UNC13C: variants seen among roughly 807,000 people sequenced by gnomAD.
UNC13C encodes protein unc-13 homolog C.
In UNC13C, 174 loss-of-function variants were observed where a neutral mutation model predicts 245.4. The observed-to-expected ratio is 0.71, with a 90% CI of 0.63 to 0.80. The LOEUF (loss-of-function observed/expected upper bound fraction) is 0.80. Ranked by LOEUF, UNC13C falls within the 30% of genes least tolerant of loss-of-function variation. UNC13C has a pLI of 0.00. For missense variants in UNC13C, 2,829 were observed against 2,602.9 expected, an observed-to-expected ratio of 1.09 and a Z score of -1.89; for synonymous variants, 992 against 895.1, an observed-to-expected ratio of 1.11 and a Z score of -1.93.
At chr15:53,908,616 A>T in the UNC13C span, among the ~76,000 whole-genome samples, 1 of 144,700 alleles carries the variant, frequency 6.9e-6, no homozygotes, top group East Asian at 2.0e-4. Flanking sequence ...AAACCCAGGC[A>T]TGGTGATGTG....
At chr15:53,891,255 C>T in the UNC13C span, among the ~76,000 whole-genome samples, 2 of 152,132 alleles carry the variant, frequency 1.3e-5, no homozygotes, top group East Asian at 3.9e-4. Context: ...CATTGTTTTG[C>T]ATTTGCTGAG....
At chr15:54,598,630 G>T (rs1899230006) in intron 30 of UNC13C, among the ~76,000 whole-genome samples, 1 of 150,618 alleles carries the variant, frequency 6.6e-6, no homozygotes, top group African/African-American at 2.4e-5. Flanking sequence ...TTCAAGCACT[G>T]TAAAGTTTAA....
rs150194555 is a variant in UNC13C at position 54,262,472 on chromosome 15, T to C, written c.3449-1696T>C. On this transcript the variant is annotated intron_variant, in intron 8 of 32. Transcript: ENST00000260323. ...ATTAACTACTTGAATAAAATATGCC[T>C]ATCAGATAGTTTCAACTATTTACTC... Among the ~76,000 whole-genome samples, 472 of 152,328 alleles carry C rather than the reference T, an allele frequency of 3.1e-3. 3 individuals carry two copies. Among genetic ancestry groups the C allele is most frequent in the South Asian group, 4.6e-3 (22 of 4,824 alleles).
chr15:53,936,692 T>G, the UNC13C span, among the ~76,000 whole-genome samples: 303 of 152,298 alleles, frequency 2.0e-3, 1 homozygote, highest in African/African-American at 6.9e-3. Context: ...CTTTGCTGTT[T>G]CACAGTCTTC....
intron 30 of UNC13C, among the ~76,000 whole-genome samples, chr15:54,599,354 C>G (rs1223965814): frequency 2.0e-5 from 3 of 152,070 alleles, no homozygotes; most frequent in African/African-American, 2.4e-5. Flanking sequence ...AAAGCCTGAA[C>G]AATTTCTTCT....
At chr15:54,376,666 G>A (rs1046099410) in intron 17 of UNC13C, among the ~76,000 whole-genome samples, 9 of 152,206 alleles carry the variant, frequency 5.9e-5, no homozygotes, top group Non-Finnish European at 4.4e-5. Context: ...AGCTGAATAT[G>A]TAGAGAAAAT....
At chr15:54,317,642 ATG>A (rs2038042472) in intron 13 of UNC13C, among the ~76,000 whole-genome samples, 1 of 151,972 alleles carries the variant, frequency 6.6e-6, no homozygotes, top group South Asian at 2.1e-4. Flanking sequence ...CATATTTATC[ATG>A]TACAATATGA....
rs1262700482 is a variant in UNC13C at position 54,540,397 on chromosome 15, G to A, written c.5697-6325G>A. The stretch of plus-strand genomic sequence containing the variant: ...TTGCCAACCAATACACATGGCATTT[G>A]AAAATTGTCTGATTAATTAGTTTTG... On this transcript the variant is annotated intron_variant, in intron 26 of 32. Transcript: ENST00000260323. 2.6e-5 allele frequency among the ~76,000 whole-genome samples: 4 copies of A among 152,094 alleles called. No homozygotes were observed. The South Asian group carries it at 8.3e-4, about 32-fold the overall frequency.
intron 30 of UNC13C, among the ~76,000 whole-genome samples, chr15:54,588,843 T>A (rs1898621846): frequency 6.6e-6 from 1 of 152,214 alleles, no homozygotes; most frequent in Admixed American, 6.5e-5. Flanking sequence ...TCAGTAGTAT[T>A]CCATTGTATA....
intron 4 of UNC13C, among the ~76,000 whole-genome samples, chr15:54,190,434 G>C (rs537639793): frequency 6.6e-6 from 1 of 152,008 alleles, no homozygotes; most frequent in African/African-American, 2.4e-5. Flanking sequence ...ATTTAATTTT[G>C]TATCTTTTTA....
the UNC13C span, among the ~76,000 whole-genome samples, chr15:53,954,849 G>T: frequency 6.6e-6 from 1 of 152,192 alleles, no homozygotes; most frequent in Admixed American, 6.6e-5. Flanking sequence ...AAAAAATACA[G>T]TAAATAGACT....
At chr15:54,318,697 C>T (rs1309873224) in intron 13 of UNC13C, among the ~76,000 whole-genome samples, 9 of 151,836 alleles carry the variant, frequency 5.9e-5, no homozygotes, top group Non-Finnish European at 4.4e-5. Context: ...TTTCTCTCAT[C>T]CTGCAGGTTA....
chr15:54,583,759 G>A (rs1042480746), intron 30 of UNC13C, among the ~76,000 whole-genome samples: 1 of 152,166 alleles, frequency 6.6e-6, no homozygotes, highest in Non-Finnish European at 1.5e-5. Flanking sequence ...TCCCCTCCCT[G>A]AGTGGTTGTT....
At chr15:54,153,324 G>T (rs1241194749) in intron 4 of UNC13C, among the ~76,000 whole-genome samples, 2 of 79,812 alleles carry the variant, frequency 2.5e-5, no homozygotes, top group Admixed American at 1.4e-4. Context: ...TAATTATTAT[G>T]ATATAAGTAA....
At chr15:53,975,379 A>C (rs559811834), upstream of UNC13C, among the ~76,000 whole-genome samples, 3 of 152,178 alleles carry the variant, frequency 2.0e-5, no homozygotes. Flanking sequence ...TATCTGGACA[A>C]CTAATCCATT....
At chr15:54,033,945 C>T (rs1252623416) in intron 2 of UNC13C, among the ~76,000 whole-genome samples, 6 of 152,160 alleles carry the variant, frequency 3.9e-5, no homozygotes, top group African/African-American at 1.2e-4. Context: ...GGTTTCATCA[C>T]AGGGTCATTG....
At chr15:54,448,057 G>C (rs1158516555) in intron 19 of UNC13C, among the ~76,000 whole-genome samples, 1 of 152,182 alleles carries the variant, frequency 6.6e-6, no homozygotes, top group African/African-American at 2.4e-5. Flanking sequence ...GGAGCAGGTT[G>C]TTCAGTTTCC....
chr15:53,910,706 A>C, the UNC13C span: 1 of 147,114 alleles, frequency 6.8e-6, no homozygotes, highest in Admixed American at 7.0e-5. Context: ...AGCAGGAGCC[A>C]CAGAGCCAAA....
intron 2 of UNC13C, among the ~76,000 whole-genome samples, chr15:54,101,684 G>A (rs981518570): frequency 3.3e-5 from 5 of 151,896 alleles, no homozygotes; most frequent in African/African-American, 9.7e-5. Context: ...AAGTTCAAGC[G>A]ATTCTCCTGC....
Sources: allele counts gnomAD v4.1 joint callset (sites outside exome capture counted in the v4.1 genomes callset), GRCh38; gene constraint gnomAD v4.1.1; transcripts MANE v1.5; gene names NCBI Gene and HGNC (gene_info 2026-07-23, HGNC 2026-07-21).